Variants in LRRC3B observed in about 807,000 individuals in gnomAD.
The protein encoded by LRRC3B is leucine-rich repeat-containing protein 3B.
In LRRC3B, 2 loss-of-function variants were observed where a neutral mutation model predicts 12.8. The ratio of observed to expected loss-of-function variants is 0.16; its 90% CI spans 0.06 to 0.49. The LOEUF is 0.49. Among genes scored for constraint, LRRC3B ranks in the 20% least tolerant of loss-of-function variants. LRRC3B has a pLI of 0.96. For missense variants in LRRC3B, 189 were observed against 319.4 expected, an observed-to-expected ratio of 0.59 and a Z score of 3.11; for synonymous variants, 132 against 122.0, an observed-to-expected ratio of 1.08 and a Z score of -0.54.
At chr3:26,629,498 A>G (rs1575109109) in intron 1 of LRRC3B, among the ~76,000 whole-genome samples, 1 of 152,174 alleles carries the variant, frequency 6.6e-6, no homozygotes, top group East Asian at 1.9e-4. Flanking sequence ...TAGGCCTGCT[A>G]CAGAGGGCTC....
At chr3:26,629,222 C>T (rs1242628676) in intron 1 of LRRC3B, among the ~76,000 whole-genome samples, 1 of 149,188 alleles carries the variant, frequency 6.7e-6, no homozygotes, top group Non-Finnish European at 1.5e-5. Context: ...TTCCCTCCCT[C>T]ACTCCCTCCC....
At chr3:26,693,739 A>C (rs1700243842) in intron 1 of LRRC3B, among the ~76,000 whole-genome samples, 1 of 152,242 alleles carries the variant, frequency 6.6e-6, no homozygotes, top group South Asian at 2.1e-4. Context: ...AAGTTAGACA[A>C]ACTTAGGTAT....
At chr3:26,643,255 AG>A (rs1699070758) in intron 1 of LRRC3B, among the ~76,000 whole-genome samples, 3 of 136,842 alleles carry the variant, frequency 2.2e-5, no homozygotes, top group East Asian at 4.2e-4. Context: ...CATATGTGTG[AG>A]TGTGTGTGTG....
At chr3:26,688,554 T>G (rs745356253) in intron 1 of LRRC3B, among the ~76,000 whole-genome samples, 2 of 152,106 alleles carry the variant, frequency 1.3e-5, no homozygotes, top group African/African-American at 4.8e-5. Flanking sequence ...CTTTCAATCA[T>G]GGCACAAAGC....
At chr3:26,664,311 G>A (rs527762100) in intron 1 of LRRC3B, among the ~76,000 whole-genome samples, 2 of 152,130 alleles carry the variant, frequency 1.3e-5, no homozygotes, top group East Asian at 3.9e-4. Context: ...TTCCTACACT[G>A]TTGAGAATTT....
intron 1 of LRRC3B, among the ~76,000 whole-genome samples, chr3:26,636,669 G>C (rs949049886): frequency 4.6e-5 from 7 of 152,014 alleles, no homozygotes; most frequent in Non-Finnish European, 8.8e-5. Context: ...TTATGCCAGG[G>C]GTGTTTCTAA....
At chr3:26,704,869 C>T (rs931426843) in intron 1 of LRRC3B, among the ~76,000 whole-genome samples, 4 of 151,966 alleles carry the variant, frequency 2.6e-5, no homozygotes, top group Non-Finnish European at 5.9e-5. Flanking sequence ...GGGTTTTTCC[C>T]CGTTGATTTG....
intron 1 of LRRC3B, among the ~76,000 whole-genome samples, chr3:26,635,738 T>C (rs1478761668): frequency 6.6e-6 from 1 of 152,228 alleles, no homozygotes; most frequent in East Asian, 1.9e-4. Context: ...CTTGTAAGCA[T>C]CTCTTGGGAT....
chr3:26,627,658 C>T (rs550375833), intron 1 of LRRC3B, among the ~76,000 whole-genome samples: 8 of 151,984 alleles, frequency 5.3e-5, no homozygotes, highest in African/African-American at 9.7e-5. Context: ...CCTCAGTCTG[C>T]GTTTTGTGTC....
At chr3:26,659,947 A>G (rs989239590) in intron 1 of LRRC3B, among the ~76,000 whole-genome samples, 19 of 152,204 alleles carry the variant, frequency 1.2e-4, no homozygotes, top group Non-Finnish European at 2.6e-4. Flanking sequence ...TTGTGCTCTC[A>G]GATGTAGCCC....
chr3:26,698,061 G>A (rs1414892851), intron 1 of LRRC3B, among the ~76,000 whole-genome samples: 2 of 152,174 alleles, frequency 1.3e-5, no homozygotes, highest in Non-Finnish European at 2.9e-5. Flanking sequence ...AAGACAAGGT[G>A]TAAGATGGTG....
chr3:26,697,354 A>G (rs1167354805), intron 1 of LRRC3B, among the ~76,000 whole-genome samples: 1 of 152,150 alleles, frequency 6.6e-6, no homozygotes, highest in Non-Finnish European at 1.5e-5. Flanking sequence ...TTGTGGCTAT[A>G]TCACTTCAAT....
chr3:26,694,023 A>G (rs1700249332), intron 1 of LRRC3B, among the ~76,000 whole-genome samples: 1 of 152,206 alleles, frequency 6.6e-6, no homozygotes, highest in Non-Finnish European at 1.5e-5. Flanking sequence ...TGCAATAGAC[A>G]TTAGTTGGTG....
chr3:26,666,016 A>C (rs1575141006), intron 1 of LRRC3B, among the ~76,000 whole-genome samples: 1 of 152,188 alleles, frequency 6.6e-6, no homozygotes, highest in African/African-American at 2.4e-5. Context: ...ATCTTCATTA[A>C]TTCAAATCAA....
intron 1 of LRRC3B, among the ~76,000 whole-genome samples, chr3:26,706,234 C>G (rs1222861444): frequency 3.3e-5 from 5 of 152,050 alleles, no homozygotes; most frequent in Admixed American, 1.3e-4. Context: ...TTCTCAAAGG[C>G]CCCACCTCCA....
chr3:26,661,278 T>C (rs893029878), intron 1 of LRRC3B, among the ~76,000 whole-genome samples: 11 of 152,150 alleles, frequency 7.2e-5, no homozygotes, highest in Non-Finnish European at 1.5e-4. Flanking sequence ...AGAAATGAAG[T>C]CTGTAGGTAG....
intron 1 of LRRC3B, among the ~76,000 whole-genome samples, chr3:26,708,277 T>A (rs924533215): frequency 6.6e-6 from 1 of 152,186 alleles, no homozygotes; most frequent in African/African-American, 2.4e-5. Flanking sequence ...GAGGGACCCC[T>A]CACTTGAGCT....
chr3:26,646,673 T>G (rs1220368376), intron 1 of LRRC3B, among the ~76,000 whole-genome samples: 1 of 136,298 alleles, frequency 7.3e-6, no homozygotes, highest in Admixed American at 7.6e-5. Flanking sequence ...ATGCCCCTCA[T>G]GCAAAAATCA....
At chr3:26,639,872 C>G (rs530264979) in intron 1 of LRRC3B, among the ~76,000 whole-genome samples, 3 of 152,120 alleles carry the variant, frequency 2.0e-5, no homozygotes, top group African/African-American at 7.2e-5. Context: ...AAAGGCCTTT[C>G]CTTATGAGTA....
Sources: allele counts gnomAD v4.1 joint callset (sites outside exome capture counted in the v4.1 genomes callset), GRCh38; gene constraint gnomAD v4.1.1; transcripts MANE v1.5; gene names NCBI Gene and HGNC (gene_info 2026-07-23, HGNC 2026-07-21).